IGF2BP2: variants seen among roughly 807,000 people sequenced by gnomAD.
IGF2BP2 encodes the protein insulin like growth factor 2 mRNA binding protein 2, also known as insulin-like growth factor 2 mRNA-binding protein 2.
In IGF2BP2, 17 loss-of-function variants were observed where a neutral mutation model predicts 75.8. That is an observed-to-expected ratio of 0.22 (90% CI 0.15 to 0.34). The LOEUF (loss-of-function observed/expected upper bound fraction) is 0.34, where lower values mean the gene tolerates loss of function less well. Ranked by LOEUF, IGF2BP2 falls within the 10% of genes least tolerant of loss-of-function variation. IGF2BP2 has a pLI of 1.00. For missense variants in IGF2BP2, 516 were observed against 772.4 expected (o/e 0.67, Z 3.93); for synonymous variants, 288 against 295.6 (o/e 0.97, Z 0.26).
intron 7 of IGF2BP2, among the ~76,000 whole-genome samples, chr3:185,679,229 T>C (rs549198776): frequency 6.6e-6 from 1 of 152,210 alleles, no homozygotes; most frequent in Non-Finnish European, 1.5e-5. Context: ...TGTTGATTTT[T>C]ATTATAGTGA....
chr3:185,711,705 CCT>C (rs1724824064), intron 2 of IGF2BP2, among the ~76,000 whole-genome samples: 3 of 152,212 alleles, frequency 2.0e-5, no homozygotes, highest in Admixed American at 1.3e-4. Context: ...CCTTTTCCTA[CCT>C]CTTTTTCCTT....
intron 14 of IGF2BP2, among the ~76,000 whole-genome samples, chr3:185,648,255 G>C (rs894532660): frequency 6.6e-5 from 10 of 152,066 alleles, no homozygotes; most frequent in Non-Finnish European, 1.5e-4. Flanking sequence ...TCGGGAGTTC[G>C]AGACCAGCCT....
intron 2 of IGF2BP2, among the ~76,000 whole-genome samples, chr3:185,796,231 T>C (rs1244222881): frequency 6.6e-6 from 1 of 152,128 alleles, no homozygotes; most frequent in East Asian, 1.9e-4. Flanking sequence ...AACTTAACCA[T>C]TTCTGGCTAT....
chr3:185,674,162 A>C (rs1033167363), intron 9 of IGF2BP2, among the ~76,000 whole-genome samples: 1 of 152,208 alleles, frequency 6.6e-6, no homozygotes, highest in African/African-American at 2.4e-5. Context: ...GGTTTAATCT[A>C]AAGAGTGCTT....
intron 2 of IGF2BP2, among the ~76,000 whole-genome samples, chr3:185,783,592 T>C (rs552878635): frequency 2.0e-5 from 3 of 152,224 alleles, no homozygotes; most frequent in Non-Finnish European, 4.4e-5. Flanking sequence ...TATCACCTTA[T>C]GTAAAAACAG....
intron 7 of IGF2BP2, among the ~76,000 whole-genome samples, chr3:185,682,676 T>C (rs939689018): frequency 3.3e-5 from 5 of 152,062 alleles, no homozygotes; most frequent in Admixed American, 1.3e-4. Flanking sequence ...AATAAATATA[T>C]AAAAAGATGC....
chr3:185,717,287 TTC>T (rs1725795226), intron 2 of IGF2BP2: 1 of 169,104 alleles, frequency 5.9e-6, no homozygotes, highest in South Asian at 1.5e-4. Context: ...TGTATTTCAC[TTC>T]TCTGGGGCCA....
At chr3:185,682,476 T>C (rs1212750725) in intron 7 of IGF2BP2, among the ~76,000 whole-genome samples, 1 of 152,182 alleles carries the variant, frequency 6.6e-6, no homozygotes, top group Non-Finnish European at 1.5e-5. Context: ...AAATAAACTT[T>C]TGTTCCTTAT....
intron 10 of IGF2BP2, among the ~76,000 whole-genome samples, chr3:185,659,521 C>A (rs908367887): frequency 1.3e-5 from 2 of 149,826 alleles, no homozygotes; most frequent in Non-Finnish European, 3.0e-5. Flanking sequence ...ATTACAGGCA[C>A]CCCCCACCAC....
chr3:185,646,970 A>G, intron 15 of IGF2BP2, 55 bp downstream of exon 15: 2 of 1,346,014 alleles, frequency 1.5e-6, no homozygotes, highest in Non-Finnish European at 2.1e-6. Context: ...CCAGCAGCTT[A>G]GCAGAGAATT....
At chr3:185,763,604 T>C (rs973532561) in intron 2 of IGF2BP2, among the ~76,000 whole-genome samples, 2 of 152,190 alleles carry the variant, frequency 1.3e-5, no homozygotes, top group Admixed American at 6.5e-5. Flanking sequence ...TGTAAAGCCA[T>C]TCTTGTAGCT....
intron 11 of IGF2BP2, 34 bp from the exon 12 acceptor site, chr3:185,657,436 C>T (rs778015553): frequency 6.6e-7 from 1 of 1,525,144 alleles, no homozygotes; most frequent in Non-Finnish European, 9.1e-7. Context: ...AGACATCATT[C>T]CAACCAGGCT....
chr3:185,715,556 G>A (rs1447632613), intron 2 of IGF2BP2, among the ~76,000 whole-genome samples: 2 of 152,176 alleles, frequency 1.3e-5, no homozygotes, highest in African/African-American at 4.8e-5. Flanking sequence ...AATGTGCGGT[G>A]CAAGTGTAAT....
At chr3:185,729,970 G>C (rs1025076240) in intron 2 of IGF2BP2, among the ~76,000 whole-genome samples, 1 of 152,152 alleles carries the variant, frequency 6.6e-6, no homozygotes, top group Admixed American at 6.5e-5. Context: ...TTAGACTTTA[G>C]AAAAAATATT....
chr3:185,752,595 CT>C (rs980772046), intron 2 of IGF2BP2, among the ~76,000 whole-genome samples: 72 of 147,018 alleles, frequency 4.9e-4, no homozygotes, highest in East Asian at 2.8e-3. Flanking sequence ...TAATTTTAAA[CT>C]TTTTTTTTTT....
intron 7 of IGF2BP2, among the ~76,000 whole-genome samples, chr3:185,682,144 T>A (rs1678753059): frequency 6.6e-6 from 1 of 152,164 alleles, no homozygotes; most frequent in Admixed American, 6.5e-5. Context: ...GGGAGAAATA[T>A]TCACCAATTA....
At chr3:185,657,199 G>A in intron 12 of IGF2BP2, 87 bp downstream of exon 12, 1 of 833,872 alleles carries the variant, frequency 1.2e-6, no homozygotes, top group East Asian at 2.4e-5. Context: ...TGCATGGTGT[G>A]GCGCTGCCTG....
At chr3:185,657,623 A>G (rs1715671125) in intron 11 of IGF2BP2, among the ~76,000 whole-genome samples, 1 of 152,228 alleles carries the variant, frequency 6.6e-6, no homozygotes, top group South Asian at 2.1e-4. Context: ...GTGATAATCA[A>G]GGGCATCCTC....
intron 7 of IGF2BP2, among the ~76,000 whole-genome samples, chr3:185,676,977 C>CATATATATGGAGATAT (rs1391470347): frequency 6.7e-5 from 8 of 119,852 alleles, no homozygotes; most frequent in African/African-American, 1.9e-4. Context: ...TATGGAGATA[C>CATATATATGGAGATAT]ATATATATGG....
Sources: allele counts gnomAD v4.1 joint callset (sites outside exome capture counted in the v4.1 genomes callset), GRCh38; gene constraint gnomAD v4.1.1; transcripts MANE v1.5; gene names NCBI Gene and HGNC (gene_info 2026-07-23, HGNC 2026-07-21).